Variants in GRIK2 observed in about 807,000 individuals in gnomAD.
GRIK2 encodes glutamate ionotropic receptor kainate type subunit 2, also known as glutamate receptor ionotropic, kainate 2.
GRIK2 carries 32 observed loss-of-function variants against 100.3 expected under a neutral mutation model. The ratio of observed to expected loss-of-function variants is 0.32; its 90% CI spans 0.24 to 0.43. The LOEUF is 0.43. Ranked by LOEUF, GRIK2 falls within the 20% of genes least tolerant of loss-of-function variation. GRIK2 has a pLI of 1.00. For missense variants in GRIK2, 843 were observed against 1,114.9 expected (o/e 0.76, Z 3.47); for synonymous variants, 417 against 389.4 (o/e 1.07, Z -0.83).
chr6:101,733,708 C>CTTTTTTTTTTTTTTTTTTTTT (rs34438783), intron 7 of GRIK2, among the ~76,000 whole-genome samples: 25 of 83,936 alleles, frequency 3.0e-4, no homozygotes, highest in Non-Finnish European at 3.3e-4. Context: ...ATTCCTCTTT[C>CTTTTTTTTTTTTTTTTTTTTT]TTTTTTTTTT....
chr6:101,799,812 C>G (rs1011433512), intron 8 of GRIK2, 21 bp downstream of exon 8: 2 of 1,593,894 alleles, frequency 1.3e-6, no homozygotes, highest in African/African-American at 2.7e-5. Context: ...AGAAGAACAT[C>G]TGCCTTGTCT....
Position 101,907,017 on chromosome 6 carries a change from CAG to C in GRIK2, c.1748+17158_1748+17159del, listed in dbSNP as rs572835385. Among the ~76,000 whole-genome samples, 404 of 151,774 alleles carry C rather than the reference CAG, an allele frequency of 2.7e-3. 3 individuals are homozygous for C. The highest frequency in any genetic ancestry group is 8.8e-3 in the African/African-American group (366 of 41,466). On this transcript the variant is annotated intron_variant, in intron 12 of 16. Coordinates refer to ENST00000369134, the MANE Select transcript of GRIK2 (RefSeq NM_021956.5). The stretch of plus-strand genomic sequence containing the variant: ...CATAAAGATTTTGCTAACAGTTTCT[CAG>C]AGATTTGCAGTATAAAGCTAATGAA...
chr6:101,836,643 G>GTATA (rs201661389), intron 10 of GRIK2, among the ~76,000 whole-genome samples: 17 of 86,394 alleles, frequency 2.0e-4, no homozygotes, highest in African/African-American at 7.3e-4. Context: ...ATATGTATGT[G>GTATA]TATATATATA....
intron 11 of GRIK2, among the ~76,000 whole-genome samples, chr6:101,875,508 T>G (rs2128450616): frequency 6.6e-6 from 1 of 152,022 alleles, no homozygotes; most frequent in African/African-American, 2.4e-5. Flanking sequence ...TAGGCTATTT[T>G]TTTTTTACAG....
chr6:101,587,990 T>TG (rs1483510895), intron 2 of GRIK2, among the ~76,000 whole-genome samples: 1 of 152,034 alleles, frequency 6.6e-6, no homozygotes, highest in African/African-American at 2.4e-5. Flanking sequence ...AAAATAACTT[T>TG]GGGGCAGCTA....
chr6:102,018,553 A>G (rs1373052157), intron 14 of GRIK2, among the ~76,000 whole-genome samples: 1 of 152,022 alleles, frequency 6.6e-6, no homozygotes, highest in African/African-American at 2.4e-5. Context: ...CAATTCATCA[A>G]TTAATTATCA....
At chr6:101,954,396 G>GT (rs1791785707) in intron 14 of GRIK2, among the ~76,000 whole-genome samples, 1 of 151,950 alleles carries the variant, frequency 6.6e-6, no homozygotes, top group Non-Finnish European at 1.5e-5. Flanking sequence ...CTTTCAATGT[G>GT]TTTTCACTTT....
intron 2 of GRIK2, among the ~76,000 whole-genome samples, chr6:101,466,443 A>G (rs935116311): frequency 9.2e-5 from 14 of 152,152 alleles, no homozygotes; most frequent in African/African-American, 3.4e-4. Flanking sequence ...CCAACACTCA[A>G]TAGGAGATTC....
chr6:102,056,237 A>G (rs1771457405), intron 16 of GRIK2, among the ~76,000 whole-genome samples: 2 of 151,972 alleles, frequency 1.3e-5, no homozygotes, highest in Non-Finnish European at 2.9e-5. Context: ...GGCTATTGCT[A>G]TATTTTGCAT....
intron 2 of GRIK2, among the ~76,000 whole-genome samples, chr6:101,571,476 T>C (rs1326285386): frequency 6.6e-6 from 1 of 152,166 alleles, no homozygotes; most frequent in Non-Finnish European, 1.5e-5. Context: ...TAATTCATAT[T>C]TAGTTTATCT....
intron 4 of GRIK2, among the ~76,000 whole-genome samples, chr6:101,665,839 AT>A (rs1456225994): frequency 1.7e-4 from 26 of 152,086 alleles, no homozygotes; most frequent in Non-Finnish European, 1.2e-4. Flanking sequence ...TGACACCTCT[AT>A]TTTTTATTTG....
At chr6:101,522,995 G>T (rs1047954275) in intron 2 of GRIK2, among the ~76,000 whole-genome samples, 1 of 151,766 alleles carries the variant, frequency 6.6e-6, no homozygotes, top group African/African-American at 2.4e-5. Flanking sequence ...CAGTTAGAGT[G>T]CTAAATGCTT....
chr6:101,879,116 C>A (rs1310386753), intron 11 of GRIK2, among the ~76,000 whole-genome samples: 1 of 152,136 alleles, frequency 6.6e-6, no homozygotes, highest in African/African-American at 2.4e-5. Context: ...TCAAAAGTTT[C>A]TTTGCAGAAG....
intron 2 of GRIK2, among the ~76,000 whole-genome samples, chr6:101,517,697 CTGCTT>C (rs1412045075): frequency 2.0e-5 from 3 of 152,120 alleles, no homozygotes; most frequent in Admixed American, 6.6e-5. Context: ...TTTTAGGCCT[CTGCTT>C]TGATTACTGA....
chr6:101,910,316 A>C (rs1340285), intron 12 of GRIK2, among the ~76,000 whole-genome samples: 124,224 of 150,998 alleles, frequency 0.82, 51,191 homozygotes, highest in East Asian at 0.94. Context: ...ATATGGCCCA[A>C]GTGACTGGGG....
intron 9 of GRIK2, among the ~76,000 whole-genome samples, chr6:101,814,805 TGTGTA>T (rs1370428891): frequency 2.0e-5 from 3 of 152,214 alleles, no homozygotes; most frequent in Non-Finnish European, 4.4e-5. Context: ...ATGATCATTT[TGTGTA>T]GTCATTATAA....
chr6:101,836,964 T>C (rs1292537417), intron 10 of GRIK2, among the ~76,000 whole-genome samples: 1 of 152,056 alleles, frequency 6.6e-6, no homozygotes, highest in Admixed American at 6.6e-5. Context: ...ATGCCTGGCC[T>C]GTTGCATTAT....
intron 14 of GRIK2, among the ~76,000 whole-genome samples, chr6:101,934,247 C>T (rs141157468): frequency 6.6e-6 from 1 of 151,796 alleles, no homozygotes; most frequent in Non-Finnish European, 1.5e-5. Context: ...CATAAACCAT[C>T]GTTACTCAAA....
intron 14 of GRIK2, among the ~76,000 whole-genome samples, chr6:101,980,176 C>A (rs1793630356): frequency 6.6e-6 from 1 of 151,884 alleles, no homozygotes; most frequent in Non-Finnish European, 1.5e-5. Context: ...ATATCCCATA[C>A]CCTCCCAAAA....
Sources: gnomAD v4.1 joint callset for allele counts (sites outside exome capture counted in the v4.1 genomes callset) on GRCh38, gnomAD v4.1.1 for gene constraint, MANE v1.5 for transcripts, NCBI Gene and HGNC (gene_info 2026-07-23, HGNC 2026-07-21) for gene names.